Variants in ARHGAP8 observed in about 807,000 individuals in gnomAD.
The protein encoded by ARHGAP8 is Rho GTPase activating protein 8.
In ARHGAP8, 62 loss-of-function variants were observed where a neutral mutation model predicts 46.1. The ratio of observed to expected loss-of-function variants is 1.34; its 90% CI spans 1.10 to 1.66. The LOEUF (loss-of-function observed/expected upper bound fraction) is 1.66. Among genes scored for constraint, ARHGAP8 ranks in the 40% most tolerant of loss-of-function variants. ARHGAP8 has a pLI of 0.00. For missense variants in ARHGAP8, 923 were observed against 568.4 expected (o/e 1.62, Z -6.34); for synonymous variants, 375 against 243.1 (o/e 1.54, Z -5.05).
intron 10 of ARHGAP8, among the ~76,000 whole-genome samples, chr22:44,859,166 G>A (rs1403699503): frequency 4.6e-5 from 7 of 152,198 alleles, no homozygotes; most frequent in African/African-American, 1.7e-4. Flanking sequence ...GAGGGATGGA[G>A]CTTGTAGAAT....
chr22:44,859,897 G>A (rs1329972085), intron 11 of ARHGAP8, 63 bp downstream of exon 11: 198 of 1,563,896 alleles, frequency 1.3e-4, no homozygotes, highest in East Asian at 4.3e-4. Flanking sequence ...TGCTGGGCCC[G>A]CATGGACCAG....
intron 1 of ARHGAP8, among the ~76,000 whole-genome samples, chr22:44,760,729 A>G (rs1169062997): frequency 6.6e-6 from 1 of 152,232 alleles, no homozygotes; most frequent in Non-Finnish European, 1.5e-5. Context: ...CCATTTTGCT[A>G]TGAATTATAA....
intron 6 of ARHGAP8, 43 bp downstream of exon 6, chr22:44,822,512 C>T (rs756083808): frequency 1.4e-5 from 20 of 1,474,746 alleles, no homozygotes; most frequent in Middle Eastern, 1.8e-4. Context: ...AATACATCTT[C>T]GTGCTTCCAA....
At chr22:44,861,879 G>A (rs912171680) in intron 11 of ARHGAP8, among the ~76,000 whole-genome samples, 2 of 152,150 alleles carry the variant, frequency 1.3e-5, no homozygotes, top group East Asian at 1.9e-4. Flanking sequence ...GCCCCTAGAT[G>A]TGCTGGCTGG....
At chr22:44,811,255 T>G (rs964717245) in intron 4 of ARHGAP8, among the ~76,000 whole-genome samples, 18 of 151,430 alleles carry the variant, frequency 1.2e-4, no homozygotes, top group Admixed American at 2.0e-4. Flanking sequence ...AGCCGGGGAG[T>G]TGGAATCTGT....
chr22:44,815,105 A>ACC (rs1929642394), intron 5 of ARHGAP8, among the ~76,000 whole-genome samples: 1 of 152,158 alleles, frequency 6.6e-6, no homozygotes, highest in African/African-American at 2.4e-5. Context: ...GTGGTCTGTT[A>ACC]CAGAGACAGG....
chr22:44,831,550 T>A (rs914848642), intron 7 of ARHGAP8, among the ~76,000 whole-genome samples: 2 of 152,036 alleles, frequency 1.3e-5, no homozygotes, highest in Middle Eastern at 3.2e-3. Flanking sequence ...TACAAAAAAA[T>A]GTGCTGGGCA....
Position 44,859,750 on chromosome 22 carries a change from T to C in ARHGAP8, c.897T>C (p.Arg299=), listed in dbSNP as rs61756769. The C allele has an allele frequency of 0.13, 208,106 of 1,612,984 alleles. 14,392 individuals are homozygous for C. The highest frequency in any genetic ancestry group is 0.22 in the African/African-American group (16,838 of 74,924). The change falls in exon 11 of 12, where the codon CGT becomes CGC. Residue 299 remains arginine, a synonymous_variant. Coordinates refer to ENST00000356099, the MANE Select transcript of ARHGAP8 (RefSeq NM_181335.3). The part of the protein sequence containing the change: ...LGITCVESSL[R]VTGCRQILRS... ...TTCCAGGTGTGGAGAGCAGCCTGCG[T>C]GTCACTGGCTGCCGCCAGATCTTAC...
In ARHGAP8 at chr22:44,849,436, G is replaced by A. The variant is rs1352612088; in HGVS notation, c.877+376G>A. On this transcript the variant is annotated intron_variant, in intron 10 of 11. Coordinates refer to ENST00000356099, the MANE Select transcript of ARHGAP8 (RefSeq NM_181335.3). ...GCTCTCTCATCTAGAAAGGGCTCTC[G>A]GCATTTCTCCCCAGATCATTGTAGG... The A allele has an allele frequency of 9.4e-5, 25 of 265,712 alleles. No individual in the cohort carries two copies. The South Asian group carries it at 1.1e-3, about 11-fold the overall frequency. 16.5% of individuals were successfully genotyped at this position (265,712 alleles called of 1,614,324 possible). A position where few individuals can be genotyped will look rare whatever the true frequency, so the allele number is the denominator to read the frequency against.
chr22:44,833,669 C>G (rs1931106627), intron 7 of ARHGAP8, among the ~76,000 whole-genome samples: 2 of 151,982 alleles, frequency 1.3e-5, no homozygotes, highest in Admixed American at 6.6e-5. Flanking sequence ...TGATACTGGC[C>G]TCAGAATGAG....
At chr22:44,790,676 CAAAAAAAAAAA>C (rs369579126) in intron 2 of ARHGAP8, among the ~76,000 whole-genome samples, 1 of 49,606 alleles carries the variant, frequency 2.0e-5, no homozygotes, top group Non-Finnish European at 3.6e-5. Flanking sequence ...AACTCTGTCT[CAAAAAAAAAAA>C]AAAAAAAAAA....
chr22:44,784,196 G>A (rs368295605), intron 1 of ARHGAP8, among the ~76,000 whole-genome samples: 2 of 152,078 alleles, frequency 1.3e-5, no homozygotes, highest in East Asian at 3.8e-4. Flanking sequence ...TTGAGGCCAG[G>A]GGTTCGAGAC....
At chr22:44,802,708 C>T (rs1002416819) in intron 3 of ARHGAP8, among the ~76,000 whole-genome samples, 7 of 152,134 alleles carry the variant, frequency 4.6e-5, no homozygotes, top group Non-Finnish European at 7.4e-5. Flanking sequence ...CTGGAGGCTG[C>T]GGGGGAGCTT....
chr22:44,825,911 G>A (rs1313048106), intron 7 of ARHGAP8, among the ~76,000 whole-genome samples: 2 of 129,778 alleles, frequency 1.5e-5, no homozygotes, highest in African/African-American at 5.7e-5. Flanking sequence ...TCGTTGGGGG[G>A]GCGCGTGCTG....
chr22:44,793,930 A>G (rs1343729586), intron 2 of ARHGAP8, among the ~76,000 whole-genome samples: 1 of 152,214 alleles, frequency 6.6e-6, no homozygotes, highest in Non-Finnish European at 1.5e-5. Flanking sequence ...TGATGGCTTA[A>G]TAAGTGGGAA....
At chr22:44,786,135 G>A (rs1324323805) in intron 1 of ARHGAP8, 6 of 460,176 alleles carry the variant, frequency 1.3e-5, no homozygotes, top group East Asian at 8.7e-5. Flanking sequence ...GCTGAGGTAG[G>A]TCGCATAGTG....
intron 3 of ARHGAP8, among the ~76,000 whole-genome samples, chr22:44,805,898 A>T (rs1186416544): frequency 6.6e-6 from 1 of 152,238 alleles, no homozygotes; most frequent in African/African-American, 2.4e-5. Context: ...TTGAAACCCA[A>T]CTAGTAATTT....
chr22:44,790,722 G>GGT lies in ARHGAP8; in HGVS notation c.79+4116_79+4117insGT, dbSNP rs1569146607. Among the ~76,000 whole-genome samples, 347 of 125,808 alleles carry GGT rather than the reference G, an allele frequency of 2.8e-3. 4 individuals are homozygous for GGT. Among genetic ancestry groups the GGT allele is most frequent in the African/African-American group, 0.01 (338 of 32,936 alleles). 82.5% of individuals were successfully genotyped at this position (125,808 alleles called of 152,430 possible). A position where few individuals can be genotyped will look rare whatever the true frequency, so the allele number is the denominator to read the frequency against. On this transcript the variant is annotated intron_variant, in intron 2 of 11. Transcript: ENST00000356099. Reference sequence around the variant, plus strand: ...AAAGAGAAGGGGGAGCCCTGGGAAAGAACCTGGCCGTTTTTTTTTTTTTTT... The same window carrying GGT: ...AAAGAGAAGGGGGAGCCCTGGGAAAGGTAACCTGGCCGTTTTTTTTTTTTTTT...
chr22:44,820,036 C>T (rs1930018074), intron 5 of ARHGAP8, among the ~76,000 whole-genome samples: 1 of 152,180 alleles, frequency 6.6e-6, no homozygotes, highest in Non-Finnish European at 1.5e-5. Flanking sequence ...CTCTGTTTCC[C>T]AAGTCCTCAT....
Sources: gnomAD v4.1 joint callset for allele counts (sites outside exome capture counted in the v4.1 genomes callset) on GRCh38, gnomAD v4.1.1 for gene constraint, MANE v1.5 for transcripts, NCBI Gene and HGNC (gene_info 2026-07-23, HGNC 2026-07-21) for gene names.